Variants in GLRA3 observed in about 807,000 individuals in gnomAD.
GLRA3 encodes glycine receptor subunit alpha-3.
A neutral mutation model predicts 60.4 loss-of-function variants in GLRA3; 44 were observed. The ratio of observed to expected loss-of-function variants is 0.73; its 90% CI spans 0.57 to 0.94. The LOEUF (loss-of-function observed/expected upper bound fraction) is 0.94. Among genes scored for constraint, GLRA3 ranks in the 40% least tolerant of loss-of-function variants. The pLI, the probability that GLRA3 is intolerant of heterozygous loss-of-function variation, is 0.00. For missense variants in GLRA3, 508 were observed against 564.6 expected (o/e 0.90, Z 1.02); for synonymous variants, 223 against 192.9 (o/e 1.16, Z -1.29).
chr4:174,809,536 C>A (rs932412103), intron 1 of GLRA3, among the ~76,000 whole-genome samples: 1 of 152,042 alleles, frequency 6.6e-6, no homozygotes, highest in African/African-American at 2.4e-5. Context: ...AGTTTGAGAC[C>A]AGCCTGGACA....
chr4:174,739,822 A>C (rs1400450954), intron 3 of GLRA3, among the ~76,000 whole-genome samples: 4 of 152,166 alleles, frequency 2.6e-5, no homozygotes, highest in Non-Finnish European at 5.9e-5. Context: ...CAACACGGTA[A>C]AGTCAAGATC....
Position 174,828,895 on chromosome 4 carries a change from T to A in GLRA3, c.-84A>T. On this transcript the variant is annotated 5_prime_UTR_variant, in exon 1 of 10. The change abolishes the stop of an existing upstream ORF in the 5' untranslated region. Coordinates refer to ENST00000274093, the MANE Select transcript of GLRA3 (RefSeq NM_006529.4). Reference sequence around the variant, plus strand: ...AAAGACAGAATGAAAATGTACAATCTAACCCCGCATGGTGTTGGTGTAGAC... The same window carrying A: ...AAAGACAGAATGAAAATGTACAATCAAACCCCGCATGGTGTTGGTGTAGAC... The A allele has an allele frequency of 2.1e-6, 2 of 933,386 alleles. No homozygotes were observed. Among genetic ancestry groups the A allele is most frequent in the Non-Finnish European group, 3.5e-6 (2 of 564,312 alleles). 57.8% of individuals were successfully genotyped at this position (933,386 alleles called of 1,614,324 possible). A position where few individuals can be genotyped will look rare whatever the true frequency, so the allele number is the denominator to read the frequency against.
At chr4:174,752,769 T>C (rs1737540067) in intron 3 of GLRA3, among the ~76,000 whole-genome samples, 1 of 152,264 alleles carries the variant, frequency 6.6e-6, no homozygotes, top group South Asian at 2.1e-4. Context: ...CAGTTTATCT[T>C]CTTAATGTTA....
At chr4:174,740,381 A>G (rs1008270743) in intron 3 of GLRA3, among the ~76,000 whole-genome samples, 1 of 152,154 alleles carries the variant, frequency 6.6e-6, no homozygotes, top group African/African-American at 2.4e-5. Flanking sequence ...AGCCACATGT[A>G]AGAACTCTGG....
At chr4:174,727,143 C>T (rs796842697) in intron 4 of GLRA3, among the ~76,000 whole-genome samples, 1 of 152,106 alleles carries the variant, frequency 6.6e-6, no homozygotes. Flanking sequence ...TTCTCATGAA[C>T]TAGGTAAATG....
At chr4:174,800,013 G>C (rs1005976130) in intron 1 of GLRA3, among the ~76,000 whole-genome samples, 4 of 151,988 alleles carry the variant, frequency 2.6e-5, no homozygotes, top group Non-Finnish European at 4.4e-5. Context: ...TTTCAACATG[G>C]AAATCTATTA....
chr4:174,684,681 C>T (rs971425252), intron 5 of GLRA3, among the ~76,000 whole-genome samples: 8 of 152,156 alleles, frequency 5.3e-5, no homozygotes, highest in Admixed American at 1.3e-4. Flanking sequence ...AGAGGAGGCA[C>T]GGTGTGGCCT....
At chr4:174,778,811 G>C (rs1394656219) in intron 2 of GLRA3, among the ~76,000 whole-genome samples, 12 of 152,174 alleles carry the variant, frequency 7.9e-5, no homozygotes, top group Non-Finnish European at 1.2e-4. Context: ...CACCTGGCTT[G>C]GAGGGTCCTA....
At chr4:174,749,703 C>G (rs1224739342) in intron 3 of GLRA3, among the ~76,000 whole-genome samples, 1 of 152,024 alleles carries the variant, frequency 6.6e-6, no homozygotes, top group African/African-American at 2.4e-5. Context: ...CATATTAAGG[C>G]ATGGTCAGAG....
chr4:174,673,533 C>T (rs1349322087), intron 7 of GLRA3, among the ~76,000 whole-genome samples: 1 of 151,994 alleles, frequency 6.6e-6, no homozygotes, highest in African/African-American at 2.4e-5. Flanking sequence ...TTTAACCAAA[C>T]TGTCTAATAT....
intron 5 of GLRA3, 91 bp from the exon 6 acceptor site, chr4:174,683,030 A>G: frequency 1.0e-6 from 1 of 955,638 alleles, no homozygotes; most frequent in East Asian, 2.4e-5. Context: ...TAGGATGAGA[A>G]GACCAAACAG....
chr4:174,780,788 A>G (rs1374139672), intron 2 of GLRA3, among the ~76,000 whole-genome samples: 2 of 152,144 alleles, frequency 1.3e-5, no homozygotes, highest in East Asian at 1.9e-4. Flanking sequence ...TATGCACCCA[A>G]TACAGGAGCA....
chr4:174,783,770 A>ATAC (rs994969741), intron 2 of GLRA3, among the ~76,000 whole-genome samples: 3 of 151,294 alleles, frequency 2.0e-5, no homozygotes, highest in African/African-American at 7.3e-5. Context: ...CCACAATGAG[A>ATAC]TACCATCTCA....
At chr4:174,750,179 T>A (rs996415202) in intron 3 of GLRA3, among the ~76,000 whole-genome samples, 1 of 152,118 alleles carries the variant, frequency 6.6e-6, no homozygotes, top group Admixed American at 6.6e-5. Flanking sequence ...AATTGTTATA[T>A]GTGGAATAGA....
chr4:174,805,850 G>A (rs1740028495), intron 1 of GLRA3, among the ~76,000 whole-genome samples: 1 of 152,118 alleles, frequency 6.6e-6, no homozygotes, highest in Non-Finnish European at 1.5e-5. Context: ...ATGAGGAAAT[G>A]TTTCAGTGAT....
At chr4:174,669,568 A>C (rs1733827536) in intron 7 of GLRA3, among the ~76,000 whole-genome samples, 1 of 152,010 alleles carries the variant, frequency 6.6e-6, no homozygotes, top group African/African-American at 2.4e-5. Flanking sequence ...TTTTCACATA[A>C]GGGATTTTTG....
At chr4:174,784,498 A>T (rs1321880520) in intron 2 of GLRA3, among the ~76,000 whole-genome samples, 1 of 151,626 alleles carries the variant, frequency 6.6e-6, no homozygotes, top group Non-Finnish European at 1.5e-5. Context: ...AAAACCAAAA[A>T]CACAAAGAAC....
At chr4:174,809,662 G>A (rs1740185862) in intron 1 of GLRA3, among the ~76,000 whole-genome samples, 1 of 152,166 alleles carries the variant, frequency 6.6e-6, no homozygotes, top group African/African-American at 2.4e-5. Context: ...GAACCCAGGA[G>A]GCAGAGGTTG....
In GLRA3 at chr4:174,698,664, T is replaced by C. The variant is rs544963556; in HGVS notation, c.575-15725A>G. Among the ~76,000 whole-genome samples the C allele has an allele frequency of 5.9e-5, 9 of 152,290 alleles. No homozygotes were observed. The South Asian group carries it at 1.2e-3, about 21-fold the overall frequency. On this transcript the variant is annotated intron_variant, in intron 5 of 9. Coordinates refer to ENST00000274093, the MANE Select transcript of GLRA3 (RefSeq NM_006529.4). Reference sequence around the variant, plus strand: ...TTTGAAGAGTATTATTATGAAAAAGTCTTTGTAATACTATAAAATTAAAAT... The same window carrying C: ...TTTGAAGAGTATTATTATGAAAAAGCCTTTGTAATACTATAAAATTAAAAT...
Sources: gnomAD v4.1 joint callset for allele counts (sites outside exome capture counted in the v4.1 genomes callset) on GRCh38, gnomAD v4.1.1 for gene constraint, MANE v1.5 for transcripts, NCBI Gene and HGNC (gene_info 2026-07-23, HGNC 2026-07-21) for gene names.